Variants in CDK11A observed in about 807,000 individuals in gnomAD.
CDK11A encodes the protein cyclin dependent kinase 11A.
CDK11A carries 55 observed loss-of-function variants against 83.6 expected under a neutral mutation model. The observed-to-expected ratio is 0.66, with a 90% CI of 0.53 to 0.82. The LOEUF (loss-of-function observed/expected upper bound fraction) is 0.82. Among genes scored for constraint, CDK11A ranks in the 40% least tolerant of loss-of-function variants. CDK11A has a pLI of 0.00. For synonymous variants in CDK11A, 247 were observed against 302.7 expected (o/e 0.82, Z 1.91); for missense variants, 564 against 810.1 (o/e 0.70, Z 3.69).
intron 18 of CDK11A, 59 bp from the exon 19 acceptor site, chr1:1,703,328 A>G: frequency 1.5e-6 from 1 of 652,902 alleles, no homozygotes. Flanking sequence ...GGTCCCCCAA[A>G]GATGGGCTGT....
rs367807408 is a variant in CDK11A at position 1,704,233 on chromosome 1, C to A, written c.1676G>T (p.Gly559Val). ...CGGAGGGGGGCTCACCTTGAGGATGCCGGCGTGGCTCAGCAGCAGGTTGGA... is the reference window on the plus strand; with the variant it reads ...CGGAGGGGGGCTCACCTTGAGGATGACGGCGTGGCTCAGCAGCAGGTTGGA... ...KTSNLLLSHA[G>V]ILKVGDFGLA... The change falls in exon 15 of 20, where the codon GGC becomes GTC. Residue 559 changes from glycine to valine, a missense_variant. Transcript: ENST00000404249. 6.2e-7 allele frequency: 1 copy of A among 1,608,262 alleles called. No homozygotes were observed. The highest frequency in any genetic ancestry group is 1.7e-5 in the Admixed American group (1 of 59,790).
intron 10 of CDK11A, among the ~76,000 whole-genome samples, 179 bp downstream of exon 10, chr1:1,708,001 A>T (rs538357680): frequency 0.12 from 15,971 of 133,756 alleles, 1,276 homozygotes; most frequent in African/African-American, 0.32. Flanking sequence ...GCCCTTGGTC[A>T]GCACTGTGCC....
rs536002422 is a variant in CDK11A at position 1,704,421 on chromosome 1, C to T, written c.1565-77G>A. 22 of 1,574,044 alleles carry T rather than the reference C, an allele frequency of 1.4e-5. 1 individual carries two copies. In the East Asian group the frequency reaches 4.9e-4, roughly 35 times the overall value. On this transcript the variant is annotated intron_variant, in intron 14 of 19. Coordinates refer to ENST00000404249, the MANE Select transcript of CDK11A (RefSeq NM_024011.4). ...ACTCAGGGTGGCCCGCTCGCCTCGG[C>T]AGCAACAGAGGCTTCTCAGGGCTTT... is the stretch of plus-strand genomic sequence containing the variant.
intron 3 of CDK11A, among the ~76,000 whole-genome samples, 160 bp from the exon 4 acceptor site, chr1:1,719,615 CTTTTT>C (rs750830146): frequency 4.3e-5 from 2 of 46,028 alleles, no homozygotes; most frequent in Non-Finnish European, 1.3e-4. Flanking sequence ...CTTCAGGCAT[CTTTTT>C]TTTTTTTTTT....
Position 1,704,750 on chromosome 1 carries a change from G to C in CDK11A, c.1459-95C>G. On this transcript the variant is annotated intron_variant, in intron 13 of 19. Transcript: ENST00000404249. ...TGCTGAGGGACAGTAAGGACCTCCGGTGCCACCCGGGAGGCAAATACTTGC... is the reference window on the plus strand; with the variant it reads ...TGCTGAGGGACAGTAAGGACCTCCGCTGCCACCCGGGAGGCAAATACTTGC... The C allele has an allele frequency of 4.4e-6, 7 of 1,599,678 alleles. No homozygotes were observed. In the South Asian group the frequency reaches 7.8e-5, roughly 18 times the overall value.
In CDK11A at chr1:1,713,453, G is replaced by A. The variant is rs991076944; in HGVS notation, c.489-1053C>T. Among the ~76,000 whole-genome samples the A allele has an allele frequency of 7.9e-5, 5 of 63,298 alleles. 1 individual carries two copies. The highest frequency in any genetic ancestry group is 4.3e-4 in the Admixed American group (2 of 4,600). The allele number at this position is 63,298 out of a possible 152,430, so 41.5% of individuals were successfully genotyped here. A position where few individuals can be genotyped will look rare whatever the true frequency, so the allele number is the denominator to read the frequency against. ...GTGTCTTTTTTATTCTTCCCTTTTT[G>A]ATTTTAAATTACATACGTTTAGCAT... On this transcript the variant is annotated intron_variant, in intron 5 of 19. Transcript: ENST00000404249.
At chr1:1,706,530 C>T (rs551658949) in intron 11 of CDK11A, among the ~76,000 whole-genome samples, 1 of 151,406 alleles carries the variant, frequency 6.6e-6, no homozygotes, top group Admixed American at 6.6e-5. Context: ...GCCTGGATGA[C>T]AGAGACAGAC....
rs758606749 is a variant in CDK11A, at chr1:1,707,608, G to A, written c.1070-24C>T. ...AACTGGAAAAGTTGAACCTAATTAC[G>A]AAGCTAGGAGTAAGTAAGGATCATG... is the stretch of plus-strand genomic sequence containing the variant. On this transcript the variant is annotated intron_variant, in intron 10 of 19. Transcript: ENST00000404249. 19 of 1,181,220 alleles carry A rather than the reference G, an allele frequency of 1.6e-5. 2 individuals carry two copies. Among genetic ancestry groups the A allele is most frequent in the Non-Finnish European group, 2.3e-5 (19 of 843,726 alleles). The allele number at this position is 1,181,220 out of a possible 1,614,324, so 73.2% of individuals were successfully genotyped here. A position where few individuals can be genotyped will look rare whatever the true frequency, so the allele number is the denominator to read the frequency against.
chr1:1,703,926 G>A lies in CDK11A; in HGVS notation c.1809C>T (p.Ala603=), dbSNP rs540485474. The A allele has an allele frequency of 6.8e-6, 11 of 1,609,620 alleles. 1 individual carries two copies. Among genetic ancestry groups the A allele is most frequent in the South Asian group, 6.6e-5 (6 of 90,788 alleles). The change falls in exon 17 of 20, where the codon GCC becomes GCT. Residue 603 remains alanine, a synonymous_variant. Transcript: ENST00000404249. ...LLLGAKEYST[A]VDMWSVGCIF... is the part of the protein sequence containing the mutation. ...TGCAGCCCACTGACCACATGTCCAC[G>A]GCCGTGGAGTATTCCTAAGACGCCA...
At chr1:1,716,814 C>CAAAAA (rs1168780288) in intron 4 of CDK11A, among the ~76,000 whole-genome samples, 1 of 76,680 alleles carries the variant, frequency 1.3e-5, no homozygotes, top group Non-Finnish European at 2.4e-5. Context: ...GACTCCATCT[C>CAAAAA]AAAAAAAAAA....
At position 1,704,363 on chromosome 1, in the gene CDK11A, C is replaced by A; in HGVS notation, c.1565-19G>T. 6.2e-7 allele frequency: 1 copy of A among 1,606,162 alleles called. No individual in the cohort carries two copies. Among genetic ancestry groups the A allele is most frequent in the Non-Finnish European group, 8.5e-7 (1 of 1,175,680 alleles). ...ACCTCCCCTGGGAGGGAGGGAGGCT[C>A]CCATGTGGACCCGGCCGCCCCAAGC... On this transcript the variant is annotated intron_variant, in intron 14 of 19. Transcript: ENST00000404249.
At chr1:1,719,097 T>C (rs1319431856) in intron 4 of CDK11A, 2 of 290,352 alleles carry the variant, frequency 6.9e-6, no homozygotes, top group South Asian at 6.3e-5. Context: ...GACGCACACA[T>C]GCTTTCAGCT....
intron 14 of CDK11A, 38 bp downstream of exon 14, chr1:1,704,512 C>T (rs200259170): frequency 1.3e-6 from 2 of 1,591,728 alleles, no homozygotes; most frequent in Non-Finnish European, 1.7e-6. Flanking sequence ...ACACTGCCCC[C>T]ACTTGTACGC....
chr1:1,703,866 G>T lies in CDK11A; in HGVS notation c.1869C>A (p.Phe623Leu), dbSNP rs370914124. 2.5e-6 allele frequency: 4 copies of T among 1,609,794 alleles called. No individual in the cohort carries two copies. Among genetic ancestry groups the T allele is most frequent in the Non-Finnish European group, 3.4e-6 (4 of 1,176,994 alleles). ...FGELLTQKPLFPGNSEIDQIN... is the reference protein window; with the variant it reads ...FGELLTQKPLLPGNSEIDQIN... The stretch of plus-strand genomic sequence containing the variant: ...TCTGATCGATTTCCGAATTCCCGGG[G>T]AACAGAGGCTTCTGAGTCAGCAGCT... Residue 623 changes from phenylalanine to leucine, a missense_variant, in exon 17 of 20, where the codon TTC (phenylalanine) becomes TTA (leucine). By Grantham distance (22) the Phe-to-Leu change is conservative. This residue lies in a region of CDK11A where 361 missense variants were observed against 402.7 expected (regional missense o/e 0.90). Coordinates refer to ENST00000404249, the MANE Select transcript of CDK11A (RefSeq NM_024011.4).
intron 2 of CDK11A, chr1:1,721,941 G>A: frequency 2.2e-6 from 1 of 448,200 alleles, no homozygotes; most frequent in Admixed American, 3.6e-5. Flanking sequence ...CACGAGGTCA[G>A]GACATTAAGA....
chr1:1,722,843 A>G lies in CDK11A; in HGVS notation c.-13-12T>C. On this transcript the variant is annotated splice_polypyrimidine_tract_variant and intron_variant, in intron 1 of 19. Coordinates refer to ENST00000404249, the MANE Select transcript of CDK11A (RefSeq NM_024011.4). ...TTTGAGTTAAAACACTGCAAAAAGA[A>G]AAATAATTCAGCCTACATCAGGACA... 8.7e-7 allele frequency: 1 copy of G among 1,152,388 alleles called. No homozygotes were observed. The allele number at this position is 1,152,388 out of a possible 1,614,324, so 71.4% of individuals were successfully genotyped here. A position where few individuals can be genotyped will look rare whatever the true frequency, so the allele number is the denominator to read the frequency against.
At chr1:1,706,185 G>A (rs1385888048) in intron 11 of CDK11A, among the ~76,000 whole-genome samples, 5 of 150,320 alleles carry the variant, frequency 3.3e-5, no homozygotes, top group Non-Finnish European at 7.4e-5. Flanking sequence ...CGATTCTCCT[G>A]CCTCAGCCTC....
intron 3 of CDK11A, among the ~76,000 whole-genome samples, chr1:1,719,796 T>C (rs573115637): frequency 4.0e-5 from 6 of 150,736 alleles, no homozygotes; most frequent in Admixed American, 2.7e-4. Context: ...TTTGTATTTT[T>C]AGTAGAGACG....
At chr1:1,703,760 C>T in intron 17 of CDK11A, 64 bp downstream of exon 17, 1 of 1,591,408 alleles carries the variant, frequency 6.3e-7, no homozygotes, top group Non-Finnish European at 8.6e-7. Flanking sequence ...CCTGTGCGCC[C>T]CGCAGCCCCA....
Sources: gnomAD v4.1 joint callset for allele counts (sites outside exome capture counted in the v4.1 genomes callset) on GRCh38, gnomAD v4.1.1 for gene constraint, gnomAD v4.1.1 regional missense constraint, MANE v1.5 for transcripts, NCBI Gene and HGNC (gene_info 2026-07-23, HGNC 2026-07-21) for gene names.